JOSD1: variants seen among roughly 807,000 people sequenced by gnomAD.
JOSD1 encodes the protein Josephin domain containing 1.
Under a neutral mutation model 24.3 loss-of-function variants are expected in JOSD1, and 11 were observed. That is an observed-to-expected ratio of 0.45 (90% CI 0.29 to 0.75). The LOEUF is 0.75. Ranked by LOEUF, JOSD1 falls within the 30% of genes least tolerant of loss-of-function variation. The pLI, the probability that JOSD1 is intolerant of heterozygous loss-of-function variation, is 0.11. For synonymous variants in JOSD1, 106 were observed against 93.8 expected (o/e 1.13, Z -0.75); for missense variants, 184 against 253.5 (o/e 0.73, Z 1.86).
chr22:38,690,559 C>G (rs1046720455), intron 2 of JOSD1, among the ~76,000 whole-genome samples: 2 of 151,900 alleles, frequency 1.3e-5, no homozygotes, highest in African/African-American at 4.8e-5. Flanking sequence ...CCCGCCACCA[C>G]GCCCACCTAA....
At chr22:38,695,715 G>A (rs534669685) in intron 2 of JOSD1, among the ~76,000 whole-genome samples, 7 of 151,888 alleles carry the variant, frequency 4.6e-5, no homozygotes, top group Non-Finnish European at 8.8e-5. Flanking sequence ...CCAAAGTGCT[G>A]GGATTACAGG....
chr22:38,696,987 T>G, intron 2 of JOSD1, among the ~76,000 whole-genome samples: 1 of 152,264 alleles, frequency 6.6e-6, no homozygotes, highest in African/African-American at 2.4e-5. Flanking sequence ...TTATATCTGC[T>G]AAGGTCCAAA....
chr22:38,692,020 AAACATCAGT>A (rs1489536011), intron 2 of JOSD1, among the ~76,000 whole-genome samples: 1 of 152,186 alleles, frequency 6.6e-6, no homozygotes, highest in East Asian at 1.9e-4. Flanking sequence ...CTTTCCCTGT[AAACATCAGT>A]AACTGACTCT....
chr22:38,692,839 G>GAAGGCCT (rs1237920107), intron 2 of JOSD1, among the ~76,000 whole-genome samples: 2 of 124,794 alleles, frequency 1.6e-5, no homozygotes, highest in African/African-American at 3.0e-5. Flanking sequence ...ACATATGAAA[G>GAAGGCCT]AAGGCCTAGC....
At chr22:38,701,073 T>A (rs1270355394), upstream of JOSD1, 1 of 793,504 alleles carries the variant, frequency 1.3e-6, no homozygotes, top group African/African-American at 1.9e-5. Context: ...AAGTCTGACG[T>A]CATCGGCACC....
chr22:38,689,237 C>T, intron 3 of JOSD1, 59 bp downstream of exon 3: 1 of 1,609,866 alleles, frequency 6.2e-7, no homozygotes, highest in Non-Finnish European at 8.5e-7. Flanking sequence ...AGCCCAAGTA[C>T]TAAAAGCTTA....
intron 2 of JOSD1, among the ~76,000 whole-genome samples, chr22:38,697,720 TTCC>T (rs2092551546): frequency 6.6e-6 from 1 of 152,386 alleles, no homozygotes; most frequent in African/African-American, 2.4e-5. Flanking sequence ...GTGCCATGAT[TTCC>T]TCAACTGGAA....
At chr22:38,696,835 C>T (rs111960183) in intron 2 of JOSD1, among the ~76,000 whole-genome samples, 4 of 152,322 alleles carry the variant, frequency 2.6e-5, no homozygotes, top group African/African-American at 9.6e-5. Flanking sequence ...TCTATTGAAA[C>T]TCCACCCTGC....
intron 2 of JOSD1, among the ~76,000 whole-genome samples, chr22:38,691,155 G>A (rs2092520209): frequency 6.6e-6 from 1 of 152,074 alleles, no homozygotes; most frequent in Non-Finnish European, 1.5e-5. Context: ...GCTTGAGCCT[G>A]GGAGTTAGAG....
chr22:38,691,052 CAAACA>C (rs911884650), intron 2 of JOSD1, among the ~76,000 whole-genome samples: 4 of 151,342 alleles, frequency 2.6e-5, no homozygotes, highest in African/African-American at 4.9e-5. Context: ...AACAAACCAA[CAAACA>C]AAACAAAACA....
chr22:38,700,558 G>C lies in JOSD1; in HGVS notation c.-571C>G, dbSNP rs567308813. 600 of 985,658 alleles carry C rather than the reference G, an allele frequency of 6.1e-4. 3 individuals carry two copies. The African/African-American group carries it at 9.5e-3, about 16-fold the overall frequency. 61.1% of individuals were successfully genotyped at this position (985,658 alleles called of 1,614,324 possible). On this transcript the variant is annotated 5_prime_UTR_variant, in exon 2 of 5. Coordinates refer to ENST00000683374, the MANE Select transcript of JOSD1 (RefSeq NM_001360236.2). ...GCAGCCCTCCATCCCCTCGGGTACG[G>C]TGGGGCCCGCAGGGCGCGGCTCCCT... is the stretch of plus-strand genomic sequence containing the variant.
At position 38,685,837 on chromosome 22, in the gene JOSD1, A is replaced by T. The variant is rs115000958; in HGVS notation, c.*2065T>A. On this transcript the variant is annotated 3_prime_UTR_variant, in exon 5 of 5. Coordinates refer to ENST00000683374, the MANE Select transcript of JOSD1 (RefSeq NM_001360236.2). ...ATGGGTCCCTGTTCCTAAGCACCAG[A>T]ATTGGATATGAACAGAGAAACCAGC... is the stretch of plus-strand genomic sequence containing the variant. The T allele has an allele frequency of 6.6e-6, 1 of 152,632 alleles. No homozygotes were observed. Among genetic ancestry groups the T allele is most frequent in the Non-Finnish European group, 1.5e-5 (1 of 68,060 alleles). 9.5% of individuals were successfully genotyped at this position (152,632 alleles called of 1,614,324 possible). A position where few individuals can be genotyped will look rare whatever the true frequency, so the allele number is the denominator to read the frequency against.
intron 2 of JOSD1, among the ~76,000 whole-genome samples, chr22:38,694,387 G>A (rs780934402): frequency 1.3e-5 from 2 of 152,132 alleles, no homozygotes; most frequent in African/African-American, 2.4e-5. Flanking sequence ...CAACACACCA[G>A]TCCCACTGAG....
In JOSD1 at chr22:38,700,293, T is replaced by G; in HGVS notation, c.-306A>C. 9.2e-5 allele frequency: 26 copies of G among 282,104 alleles called. No homozygotes were observed. Among genetic ancestry groups the G allele is most frequent in the Non-Finnish European group, 1.2e-4 (25 of 209,228 alleles). The allele number at this position is 282,104 out of a possible 1,614,324, so 17.5% of individuals were successfully genotyped here. A position where few individuals can be genotyped will look rare whatever the true frequency, so the allele number is the denominator to read the frequency against. On this transcript the variant is annotated 5_prime_UTR_variant, in exon 2 of 5. Transcript: ENST00000683374. ...TTGTTTCCGTTTCCCCACCCTTCCC[T>G]CCCACCCCCCTCCAAAATCCCCACG...
chr22:38,700,782 C>G lies in JOSD1; in HGVS notation c.-632+18G>C. ...CTCCCGGGCCCGCGCCCACCCGGCT[C>G]GCAGCCCCTACACAAACCTCCCCGC... is the stretch of plus-strand genomic sequence containing the variant. On this transcript the variant is annotated intron_variant, in intron 1 of 4. Transcript: ENST00000683374. 1.0e-6 allele frequency: 1 copy of G among 985,056 alleles called. No homozygotes were observed. Among genetic ancestry groups the G allele is most frequent in the South Asian group, 4.7e-5 (1 of 21,290 alleles). 61.0% of individuals were successfully genotyped at this position (985,056 alleles called of 1,614,324 possible). A position where few individuals can be genotyped will look rare whatever the true frequency, so the allele number is the denominator to read the frequency against.
intron 2 of JOSD1, among the ~76,000 whole-genome samples, chr22:38,694,589 G>A (rs554369756): frequency 6.6e-6 from 1 of 152,002 alleles, no homozygotes; most frequent in African/African-American, 2.4e-5. Flanking sequence ...CGGGCCAGGC[G>A]CAGTGGCTCA....
rs564044429 is a variant in JOSD1, at chr22:38,696,524, G to A, written c.185+3279C>T. Among the ~76,000 whole-genome samples, 601 of 152,246 alleles carry A rather than the reference G, an allele frequency of 3.9e-3. 5 individuals carry two copies. The highest frequency in any genetic ancestry group is 0.014 in the African/African-American group (570 of 41,520). Reference sequence around the variant, plus strand: ...CAGAGTGCTGGGATTACATGCGTGAGCCACCGTGCCTGGCCCACATTCTTT... The same window carrying A: ...CAGAGTGCTGGGATTACATGCGTGAACCACCGTGCCTGGCCCACATTCTTT... On this transcript the variant is annotated intron_variant, in intron 2 of 4. Coordinates refer to ENST00000683374, the MANE Select transcript of JOSD1 (RefSeq NM_001360236.2).
intron 2 of JOSD1, among the ~76,000 whole-genome samples, chr22:38,696,107 G>T (rs1983579577): frequency 6.6e-6 from 1 of 152,162 alleles, no homozygotes; most frequent in African/African-American, 2.4e-5. Context: ...CTAGATGTAA[G>T]AATCTGATCA....
intron 2 of JOSD1, among the ~76,000 whole-genome samples, chr22:38,698,736 A>T (rs2092555317): frequency 6.6e-6 from 1 of 152,186 alleles, no homozygotes; most frequent in Non-Finnish European, 1.5e-5. Flanking sequence ...GTAATTCTAG[A>T]AAATCAAAGC....
Sources: gnomAD v4.1 joint callset for allele counts (sites outside exome capture counted in the v4.1 genomes callset) on GRCh38, gnomAD v4.1.1 for gene constraint, MANE v1.5 for transcripts, NCBI Gene and HGNC (gene_info 2026-07-23, HGNC 2026-07-21) for gene names.